Variants in ITIH5 observed in about 807,000 individuals in gnomAD.
The protein encoded by ITIH5 is inter-alpha-trypsin inhibitor heavy chain H5.
In ITIH5, 65 loss-of-function variants were observed where a neutral mutation model predicts 77.5. The observed-to-expected ratio is 0.84, with a 90% CI of 0.69 to 1.03. The LOEUF is 1.03. Ranked by LOEUF, ITIH5 falls within the 50% of genes least tolerant of loss-of-function variation. The probability of loss-of-function intolerance (pLI) is 0.00; values close to 1 mark genes in which losing one functional copy is unlikely to be tolerated. For synonymous variants in ITIH5, 525 were observed against 494.3 expected, an observed-to-expected ratio of 1.06 and a Z score of -0.82; for missense variants, 1,208 against 1,213.1, an observed-to-expected ratio of 1.00 and a Z score of 0.06.
rs549532804 is a variant in ITIH5 at position 7,644,969 on chromosome 10, A to G, written c.136-2879T>C. On this transcript the variant is annotated intron_variant, in intron 2 of 13. Transcript: ENST00000397146. ...ATATATATCACACATATATATATAT[A>G]TATCAAGCACACCTGAGGATGGACT... Among the ~76,000 whole-genome samples, 20 of 143,254 alleles carry G rather than the reference A, an allele frequency of 1.4e-4. 1 individual carries two copies. Among genetic ancestry groups the G allele is most frequent in the African/African-American group, 5.2e-4 (20 of 38,282 alleles). 94.0% of individuals were successfully genotyped at this position (143,254 alleles called of 152,430 possible).
intron 4 of ITIH5, among the ~76,000 whole-genome samples, chr10:7,640,434 A>G (rs189938795): frequency 6.6e-6 from 1 of 150,672 alleles, no homozygotes. Flanking sequence ...CTATGATTGC[A>G]CCACTGCACT....
At chr10:7,574,398 T>G (rs951757270) in intron 10 of ITIH5, among the ~76,000 whole-genome samples, 25 of 152,136 alleles carry the variant, frequency 1.6e-4, no homozygotes, top group Non-Finnish European at 1.5e-5. Context: ...GATGACTGAT[T>G]TGAGGAGTGG....
At chr10:7,617,429 C>T in intron 5 of ITIH5, 147 bp from the exon 6 acceptor site, 1 of 502,198 alleles carries the variant, frequency 2.0e-6, no homozygotes, top group Non-Finnish European at 3.4e-6. Context: ...ACTCATATAT[C>T]ACAATGCGAG....
chr10:7,569,822 C>G (rs367793620), intron 11 of ITIH5, 38 bp from the exon 12 acceptor site: 9 of 1,315,042 alleles, frequency 6.8e-6, no homozygotes, highest in Non-Finnish European at 9.6e-6. Context: ...AAAAGAAAGA[C>G]ACTTATTCAG....
intron 7 of ITIH5, among the ~76,000 whole-genome samples, chr10:7,592,544 G>A (rs1004147663): frequency 7.9e-5 from 12 of 152,154 alleles, no homozygotes; most frequent in Non-Finnish European, 1.5e-4. Context: ...AGGAGAAAGA[G>A]ACAGAGAGGT....
rs769796636 is a variant in ITIH5, at chr10:7,566,166, G to A, written c.2391C>T (p.Thr797=). 5.4e-5 allele frequency: 87 copies of A among 1,614,050 alleles called. No homozygotes were observed. Among genetic ancestry groups the A allele is most frequent in the Non-Finnish European group, 5.0e-5 (59 of 1,179,992 alleles). Residue 797 remains threonine, a synonymous_variant, in exon 13 of 14, where the codon ACC becomes ACT. Coordinates refer to ENST00000397146, the MANE Select transcript of ITIH5 (RefSeq NM_030569.7). The part of the protein sequence containing the change: ...EVSVSANANV[T]VTIQGSIAFV... ...AGGCTATGGAGCCCTGGATGGTGAC[G>A]GTGACATTGGCGTTGGCAGACACGG...
At chr10:7,622,079 G>T (rs985342089) in intron 5 of ITIH5, 12 of 152,188 alleles carry the variant, frequency 7.9e-5, no homozygotes, top group Admixed American at 7.9e-4. Context: ...GCAGGCATTG[G>T]TGATCCCATG....
chr10:7,615,932 TC>T, intron 7 of ITIH5, 49 bp downstream of exon 7: 1 of 1,144,430 alleles, frequency 8.7e-7, no homozygotes, highest in Non-Finnish European at 1.3e-6. Context: ...CAAGTCATTG[TC>T]CCAGGCAAAA....
At chr10:7,566,482 A>C in intron 12 of ITIH5, 75 bp from the exon 13 acceptor site, 38 of 1,447,472 alleles carry the variant, frequency 2.6e-5, no homozygotes, top group Non-Finnish European at 3.5e-5. Context: ...TAATCCCAGC[A>C]CTTAGAAGGC....
chr10:7,633,601 T>C (rs1293494267), intron 5 of ITIH5, among the ~76,000 whole-genome samples: 2 of 152,152 alleles, frequency 1.3e-5, no homozygotes, highest in Non-Finnish European at 2.9e-5. Context: ...TATGAGACCT[T>C]GTCCATATTA....
intron 7 of ITIH5, among the ~76,000 whole-genome samples, chr10:7,604,090 G>A (rs895565723): frequency 6.6e-6 from 1 of 152,176 alleles, no homozygotes; most frequent in African/African-American, 2.4e-5. Context: ...CCCTTGATGG[G>A]TAGATTATCA....
At position 7,640,896 on chromosome 10, in the gene ITIH5, CA is replaced by C. The variant is rs764538643; in HGVS notation, c.300-42del. On this transcript the variant is annotated intron_variant, in intron 3 of 13. Coordinates refer to ENST00000397146, the MANE Select transcript of ITIH5 (RefSeq NM_030569.7). ...CAGTTGTGCTACCAGCTTGCAGTTCCAAGACAAATTCAGACATGGATCTTAT... is the reference window on the plus strand; with the variant it reads ...CAGTTGTGCTACCAGCTTGCAGTTCCAGACAAATTCAGACATGGATCTTAT... 3.8e-6 allele frequency: 5 copies of C among 1,330,736 alleles called. No homozygotes were observed. In the Admixed American group the frequency reaches 8.5e-5, roughly 23 times the overall value. 82.4% of individuals were successfully genotyped at this position (1,330,736 alleles called of 1,614,324 possible).
chr10:7,612,001 C>G (rs1048395897), intron 7 of ITIH5, among the ~76,000 whole-genome samples: 3 of 149,738 alleles, frequency 2.0e-5, no homozygotes, highest in African/African-American at 7.4e-5. Flanking sequence ...AGCCTAGTAA[C>G]AGTTTTAAAT....
chr10:7,651,563 G>T (rs532322249), intron 2 of ITIH5, among the ~76,000 whole-genome samples: 1 of 151,986 alleles, frequency 6.6e-6, no homozygotes, highest in African/African-American at 2.4e-5. Flanking sequence ...AGCCGAGATC[G>T]CACCACTGGG....
chr10:7,644,894 A>G (rs1443929156), intron 2 of ITIH5, among the ~76,000 whole-genome samples: 7 of 71,154 alleles, frequency 9.8e-5, no homozygotes, highest in South Asian at 5.6e-4. Context: ...TCACATATAT[A>G]TATCACATAT....
intron 5 of ITIH5, among the ~76,000 whole-genome samples, chr10:7,625,300 C>T (rs1037428487): frequency 3.3e-5 from 5 of 152,054 alleles, no homozygotes; most frequent in African/African-American, 1.2e-4. Flanking sequence ...GCAAAGTTGT[C>T]CAGTTCATAG....
chr10:7,576,393 G>T, intron 10 of ITIH5, 60 bp downstream of exon 10: 1 of 1,343,936 alleles, frequency 7.4e-7, no homozygotes. Flanking sequence ...TCCTGTGGAG[G>T]AGGTGAGTGG....
At position 7,579,318 on chromosome 10, in the gene ITIH5, G is replaced by T. The variant is rs191259660; in HGVS notation, c.1418+437C>A. Among the ~76,000 whole-genome samples, 115 of 152,296 alleles carry T rather than the reference G, an allele frequency of 7.6e-4. 1 individual carries two copies. The South Asian group carries it at 8.1e-3, about 11-fold the overall frequency. On this transcript the variant is annotated intron_variant, in intron 9 of 13. Transcript: ENST00000397146. Reference sequence around the variant, plus strand: ...AGGCGGGCAGATCACCTGAGGTCAGGAGTTCGAGACCAGCCTGACCAACAT... The same window carrying T: ...AGGCGGGCAGATCACCTGAGGTCAGTAGTTCGAGACCAGCCTGACCAACAT...
At chr10:7,625,493 T>C (rs550546199) in intron 5 of ITIH5, among the ~76,000 whole-genome samples, 1 of 152,218 alleles carries the variant, frequency 6.6e-6, no homozygotes, top group Admixed American at 6.5e-5. Flanking sequence ...GGGCCGGGCA[T>C]GTGGATCACA....
Sources: gnomAD v4.1 joint callset for allele counts (sites outside exome capture counted in the v4.1 genomes callset) on GRCh38, gnomAD v4.1.1 for gene constraint, MANE v1.5 for transcripts, NCBI Gene and HGNC (gene_info 2026-07-23, HGNC 2026-07-21) for gene names.